The following HLTF variants were observed in gnomAD, a reference collection of about 807,000 sequenced individuals.
HLTF encodes the protein DNA-dependent ATPase/E3 ubiquitin-protein ligase HLTF.
In HLTF, 127 loss-of-function variants were observed where a neutral mutation model predicts 129.4. The observed-to-expected ratio is 0.98, with a 90% CI of 0.85 to 1.14. The LOEUF is 1.14. HLTF is among the 50% of genes most tolerant of loss of function. The probability of loss-of-function intolerance (pLI) is 0.00; values close to 1 mark genes in which losing one functional copy is unlikely to be tolerated. For missense variants in HLTF, 1,139 were observed against 1,187.1 expected, an observed-to-expected ratio of 0.96 and a Z score of 0.60; for synonymous variants, 332 against 388.8, an observed-to-expected ratio of 0.85 and a Z score of 1.72.
In HLTF at chr3:149,031,956, A is replaced by G. The variant is rs1715094237; in HGVS notation, c.*264T>C. ...ATACGTGAAAATACTCAGCATAGAT[A>G]TTATGAAAAGCTGAATAACAAAGTA... is the stretch of plus-strand genomic sequence containing the variant. On this transcript the variant is annotated 3_prime_UTR_variant, in exon 25 of 25. Coordinates refer to ENST00000310053, the MANE Select transcript of HLTF (RefSeq NM_003071.4). 7 of 230,128 alleles carry G rather than the reference A, an allele frequency of 3.0e-5. No individual in the cohort carries two copies. The South Asian group carries it at 6.2e-4, about 20-fold the overall frequency. 14.3% of individuals were successfully genotyped at this position (230,128 alleles called of 1,614,324 possible).
At chr3:149,059,437 A>G (rs1240310785) in intron 13 of HLTF, 3 of 469,266 alleles carry the variant, frequency 6.4e-6, no homozygotes, top group Non-Finnish European at 1.2e-5. Flanking sequence ...AGCAGCCACA[A>G]ATTGCTTTGT....
intron 2 of HLTF, among the ~76,000 whole-genome samples, chr3:149,079,638 G>A (rs569619963): frequency 2.6e-4 from 40 of 152,182 alleles, no homozygotes; most frequent in African/African-American, 9.4e-4. Context: ...CTGTCACCAG[G>A]CTGGAGTACA....
In HLTF at chr3:149,040,027, T is replaced by C. The variant is rs1207685862; in HGVS notation, c.2502+4A>G. On this transcript the variant is annotated splice_donor_region_variant and intron_variant, in intron 21 of 24. Transcript: ENST00000310053. ...ACTCAAATATTTGCACATGAGTACT[T>C]TACCTTTGAACTGGATGTCCATTCC... 3.1e-6 allele frequency: 5 copies of C among 1,608,188 alleles called. No homozygotes were observed. The highest frequency in any genetic ancestry group is 4.2e-6 in the Non-Finnish European group (5 of 1,178,080).
intron 18 of HLTF, among the ~76,000 whole-genome samples, chr3:149,042,535 A>G (rs958477527): frequency 6.6e-6 from 1 of 152,120 alleles, no homozygotes; most frequent in Non-Finnish European, 1.5e-5. Context: ...GGATGACTGC[A>G]GATCTCAAAC....
Position 149,061,959 on chromosome 3 carries a change from A to G in HLTF, c.1161-1101T>C, listed in dbSNP as rs185310472. On this transcript the variant is annotated intron_variant, in intron 10 of 24. Transcript: ENST00000310053. Reference sequence around the variant, plus strand: ...TAATTCTTTCACAATAGGAAATTTCATAAATTTTGTGTAGAAAGTTTAACA... The same window carrying G: ...TAATTCTTTCACAATAGGAAATTTCGTAAATTTTGTGTAGAAAGTTTAACA... Among the ~76,000 whole-genome samples, 547 of 152,348 alleles carry G rather than the reference A, an allele frequency of 3.6e-3. 8 individuals carry two copies. Among genetic ancestry groups the G allele is most frequent in the Admixed American group, 0.029 (447 of 15,300 alleles).
In HLTF at chr3:149,048,931, C is replaced by T. The variant is rs1271618745; in HGVS notation, c.1688G>A (p.Arg563Gln). 41 of 1,611,656 alleles carry T rather than the reference C, an allele frequency of 2.5e-5. No homozygotes were observed. Among genetic ancestry groups the T allele is most frequent in the Non-Finnish European group, 3.2e-5 (38 of 1,178,052 alleles). ...RVILDEGHAI[R>Q]NPNAQQTKAV... is the part of the protein sequence containing the mutation. ...TTTTGTCTGCTGAGCATTTGGATTT[C>T]GTATGGCATGTCCTTCATCCAGGAT... Residue 563 changes from arginine to glutamine, a missense_variant, in exon 16 of 25, where the codon CGA becomes CAA. By Grantham distance (43) the Arg-to-Gln change is conservative. Transcript: ENST00000310053.
chr3:149,042,865 C>T (rs1716243527), intron 18 of HLTF, among the ~76,000 whole-genome samples: 1 of 152,012 alleles, frequency 6.6e-6, no homozygotes, highest in Non-Finnish European at 1.5e-5. Flanking sequence ...TTATTTCCTG[C>T]TGGTCGGGGA....
Position 149,048,091 on chromosome 3 carries a change from T to C in HLTF, c.1829A>G (p.Asp610Gly), listed in dbSNP as rs760286020. The C allele has an allele frequency of 8.7e-6, 14 of 1,611,436 alleles. No individual in the cohort carries two copies. The highest frequency in any genetic ancestry group is 2.2e-5 in the East Asian group (1 of 44,822). The change falls in exon 17 of 25, where the codon GAT becomes GGT. Residue 610 changes from aspartate (D) to glycine (G), a missense_variant. Physicochemically the swap from Asp to Gly is moderately conservative, Grantham distance 94 (BLOSUM62 -1). Coordinates refer to ENST00000310053, the MANE Select transcript of HLTF (RefSeq NM_003071.4). ...TATTGTTCTATGCCACCATTCTCTA[T>C]CAATAAATGGTTTAAGTTTTAAAAA... ...LSFLKLKPFI[D>G]REWWHRTIQR...
intron 10 of HLTF, among the ~76,000 whole-genome samples, chr3:149,061,359 G>A (rs192292641): frequency 2.8e-4 from 42 of 151,610 alleles, no homozygotes; most frequent in Non-Finnish European, 5.2e-4. Context: ...TCCAGTGAGC[G>A]GAGATTGCGC....
chr3:149,072,123 A>C (rs1169663497), intron 5 of HLTF, among the ~76,000 whole-genome samples: 1 of 152,212 alleles, frequency 6.6e-6, no homozygotes, highest in Non-Finnish European at 1.5e-5. Context: ...AAAGGCACAT[A>C]AATCAACTCT....
At position 149,048,283 on chromosome 3, in the gene HLTF, A is replaced by T. The variant is rs1038841782; in HGVS notation, c.1757-120T>A. On this transcript the variant is annotated intron_variant, in intron 16 of 24. Transcript: ENST00000310053. Reference sequence around the variant, plus strand: ...GGCACTCTGTACCAGGCTCATCATTATCAATTAAATTAAACTATCAAGTGT... The same window carrying T: ...GGCACTCTGTACCAGGCTCATCATTTTCAATTAAATTAAACTATCAAGTGT... 1.9e-5 allele frequency: 11 copies of T among 578,286 alleles called. No individual in the cohort carries two copies. The African/African-American group carries it at 2.1e-4, about 11-fold the overall frequency. The allele number at this position is 578,286 out of a possible 1,614,324, so 35.8% of individuals were successfully genotyped here.
rs987413755 is a variant in HLTF at position 149,031,951 on chromosome 3, T to C, written c.*269A>G. ...GGAAGATACGTGAAAATACTCAGCATAGATATTATGAAAAGCTGAATAACA... is the reference window on the plus strand; with the variant it reads ...GGAAGATACGTGAAAATACTCAGCACAGATATTATGAAAAGCTGAATAACA... On this transcript the variant is annotated 3_prime_UTR_variant, in exon 25 of 25. Transcript: ENST00000310053. 4 of 221,182 alleles carry C rather than the reference T, an allele frequency of 1.8e-5. No individual in the cohort carries two copies. Among genetic ancestry groups the C allele is most frequent in the East Asian group, 9.7e-5 (1 of 10,268 alleles). 13.7% of individuals were successfully genotyped at this position (221,182 alleles called of 1,614,324 possible). A position where few individuals can be genotyped will look rare whatever the true frequency, so the allele number is the denominator to read the frequency against.
At chr3:149,084,004 T>C (rs1164006389) in intron 2 of HLTF, among the ~76,000 whole-genome samples, 1 of 151,948 alleles carries the variant, frequency 6.6e-6, no homozygotes, top group Non-Finnish European at 1.5e-5. Flanking sequence ...CATTAGGATA[T>C]GGAGATTTTA....
intron 3 of HLTF, 108 bp from the exon 4 acceptor site, chr3:149,074,456 T>A: frequency 9.5e-7 from 1 of 1,052,638 alleles, no homozygotes; most frequent in Non-Finnish European, 1.3e-6. Context: ...TACATTGAAG[T>A]AAAGTAATAA....
chr3:149,071,053 A>G (rs1273908023), intron 7 of HLTF, among the ~76,000 whole-genome samples, 199 bp downstream of exon 7: 1 of 144,132 alleles, frequency 6.9e-6, no homozygotes, highest in Non-Finnish European at 1.6e-5. Context: ...TCAAAAAAAA[A>G]AAAAAGAAAA....
chr3:149,084,049 G>T (rs544442621), intron 2 of HLTF, among the ~76,000 whole-genome samples: 1 of 151,962 alleles, frequency 6.6e-6, no homozygotes, highest in African/African-American at 2.4e-5. Flanking sequence ...ATATTACAAA[G>T]ATTTTAAATT....
At position 149,059,815 on chromosome 3, in the gene HLTF, AAC is replaced by A; in HGVS notation, c.1286-10_1286-9del. The A allele has an allele frequency of 6.4e-7, 1 of 1,570,028 alleles. No individual in the cohort carries two copies. The highest frequency in any genetic ancestry group is 8.7e-7 in the Non-Finnish European group (1 of 1,151,478). The stretch of plus-strand genomic sequence containing the variant: ...TAACCTTAGAAGATCCTGCTGATAA[AAC>A]AACAAAGAATCTTAAATTTTTTTCA... On this transcript the variant is annotated splice_polypyrimidine_tract_variant and intron_variant, in intron 12 of 24. Coordinates refer to ENST00000310053, the MANE Select transcript of HLTF (RefSeq NM_003071.4).
chr3:149,062,511 T>G (rs186253476), intron 10 of HLTF, among the ~76,000 whole-genome samples: 21 of 152,372 alleles, frequency 1.4e-4, no homozygotes, highest in Admixed American at 1.2e-3. Context: ...CGATGACTTG[T>G]GTAGATACTG....
In HLTF at chr3:149,034,979, T is replaced by G; in HGVS notation, c.2816A>C (p.Glu939Ala). 1 of 1,613,724 alleles carries G rather than the reference T, an allele frequency of 6.2e-7. No individual in the cohort carries two copies. The highest frequency in any genetic ancestry group is 1.1e-5 in the South Asian group (1 of 91,078). ...LMDPAWNPAA[E>A]DQCFDRCHRL... ...ATGGCATCTGTCAAAGCACTGATCT[T>G]CAGCAGCAGGATTCCAGGCCTAACA... is the stretch of plus-strand genomic sequence containing the variant. Residue 939 changes from glutamate to alanine, a missense_variant, in exon 24 of 25, where the codon GAA becomes GCA. Transcript: ENST00000310053.
Sources: allele counts gnomAD v4.1 joint callset (sites outside exome capture counted in the v4.1 genomes callset), GRCh38; gene constraint gnomAD v4.1.1; transcripts MANE v1.5; gene names NCBI Gene and HGNC (gene_info 2026-07-23, HGNC 2026-07-21).